The following SYBU variants were observed in gnomAD, a reference collection of about 807,000 sequenced individuals.
The protein encoded by SYBU is syntabulin, also known as GOLSYN A protein.
Under a neutral mutation model 35.9 loss-of-function variants are expected in SYBU, and 21 were observed. The observed-to-expected ratio is 0.58, with a 90% confidence interval of 0.41 to 0.84. SYBU has a LOEUF of 0.84. Among genes scored for constraint, SYBU ranks in the 40% least tolerant of loss-of-function variants. The pLI, the probability that SYBU is intolerant of heterozygous loss-of-function variation, is 0.00. For missense variants in SYBU, 768 were observed against 848.2 expected (o/e 0.91, Z 1.17); for synonymous variants, 319 against 324.3 (o/e 0.98, Z 0.18).
chr8:109,653,878 A>G (rs1332722818), intron 1 of SYBU, among the ~76,000 whole-genome samples: 2 of 152,062 alleles, frequency 1.3e-5, no homozygotes, highest in African/African-American at 4.8e-5. Context: ...CTTCCTATAC[A>G]AGAAAAATTC....
At chr8:109,603,528 T>A in intron 3 of SYBU, 1 of 318,980 alleles carries the variant, frequency 3.1e-6, no homozygotes, top group Non-Finnish European at 4.5e-6. Context: ...AGTTAACTTT[T>A]AAATTCAAGT....
chr8:109,602,953 T>C (rs954714780), intron 3 of SYBU, among the ~76,000 whole-genome samples: 3 of 152,164 alleles, frequency 2.0e-5, no homozygotes, highest in African/African-American at 7.2e-5. Flanking sequence ...ATTTCCAAGA[T>C]AAGTCCTGGC....
At chr8:109,576,054 A>AC in intron 6 of SYBU, 41 bp from the exon 7 acceptor site, 13 of 1,494,770 alleles carry the variant, frequency 8.7e-6, no homozygotes, top group Non-Finnish European at 1.1e-5. Context: ...AAAAAAAAAA[A>AC]AAAAAAAAAA....
intron 3 of SYBU, among the ~76,000 whole-genome samples, chr8:109,611,047 T>C (rs1471440358): frequency 1.3e-5 from 2 of 152,216 alleles, no homozygotes; most frequent in African/African-American, 2.4e-5. Flanking sequence ...TGATCTACAA[T>C]GCTTGGTTTA....
intron 4 of SYBU, among the ~76,000 whole-genome samples, chr8:109,583,854 A>T (rs1189153224): frequency 2.6e-5 from 4 of 152,114 alleles, no homozygotes; most frequent in African/African-American, 9.7e-5. Context: ...GTTGCCCAGG[A>T]CTGGAGTGCA....
chr8:109,664,605 G>A (rs1816692268), intron 1 of SYBU, among the ~76,000 whole-genome samples: 1 of 152,112 alleles, frequency 6.6e-6, no homozygotes, highest in African/African-American at 2.4e-5. Flanking sequence ...AGCAGGTGTT[G>A]TTTAAGTACT....
At chr8:109,676,539 T>G (rs1400825768) in intron 1 of SYBU, among the ~76,000 whole-genome samples, 1 of 152,200 alleles carries the variant, frequency 6.6e-6, no homozygotes, top group Non-Finnish European at 1.5e-5. Flanking sequence ...GTTACCATTA[T>G]TAGAAAGAAT....
intron 1 of SYBU, among the ~76,000 whole-genome samples, chr8:109,652,953 G>T (rs948194229): frequency 2.0e-5 from 3 of 152,118 alleles, no homozygotes; most frequent in African/African-American, 7.2e-5. Flanking sequence ...CTATTTTGAG[G>T]ATTAAATTCT....
intron 1 of SYBU, among the ~76,000 whole-genome samples, chr8:109,689,470 C>T (rs1007931590): frequency 1.3e-5 from 2 of 152,084 alleles, no homozygotes; most frequent in Non-Finnish European, 2.9e-5. Context: ...CTACAGGCAC[C>T]TACTGCCATG....
intron 1 of SYBU, among the ~76,000 whole-genome samples, chr8:109,678,903 A>T (rs1166288964): frequency 6.6e-6 from 1 of 152,146 alleles, no homozygotes; most frequent in Non-Finnish European, 1.5e-5. Flanking sequence ...CTCCATTTTG[A>T]ACAGGGGCTG....
upstream of SYBU, among the ~76,000 whole-genome samples, chr8:109,684,388 G>A (rs186017900): frequency 1.3e-5 from 2 of 152,208 alleles, no homozygotes; most frequent in African/African-American, 4.8e-5. Context: ...TTCATTAGTG[G>A]TAAGAGCTGA....
intron 1 of SYBU, among the ~76,000 whole-genome samples, chr8:109,654,532 C>A (rs905078620): frequency 6.6e-6 from 1 of 152,144 alleles, no homozygotes; most frequent in African/African-American, 2.4e-5. Context: ...CCCTTTTATT[C>A]TTTCATCCAT....
intron 3 of SYBU, among the ~76,000 whole-genome samples, chr8:109,612,615 A>C (rs1437259991): frequency 6.6e-6 from 1 of 152,210 alleles, no homozygotes; most frequent in South Asian, 2.1e-4. Context: ...CATTGATTCA[A>C]TCTGCTTTTA....
chr8:109,577,362 T>A (rs78300631), intron 6 of SYBU, among the ~76,000 whole-genome samples: 1 of 141,192 alleles, frequency 7.1e-6, no homozygotes, highest in South Asian at 2.2e-4. Context: ...AAGCATGGGC[T>A]TTTTTTTTTT....
At chr8:109,679,664 GCT>G (rs1356371408) in intron 1 of SYBU, among the ~76,000 whole-genome samples, 2 of 152,206 alleles carry the variant, frequency 1.3e-5, no homozygotes, top group African/African-American at 4.8e-5. Context: ...AAGTAAGACA[GCT>G]CTCTATGTTA....
At chr8:109,651,446 GAC>G (rs377387128) in intron 1 of SYBU, among the ~76,000 whole-genome samples, 1 of 125,062 alleles carries the variant, frequency 8.0e-6, no homozygotes, top group Admixed American at 8.6e-5. Flanking sequence ...CTGAAATTGA[GAC>G]TTTTTTTTTT....
intron 2 of SYBU, among the ~76,000 whole-genome samples, 153 bp from the exon 3 acceptor site, chr8:109,619,192 T>G (rs1812159023): frequency 6.6e-6 from 1 of 152,086 alleles, no homozygotes; most frequent in African/African-American, 2.4e-5. Context: ...TCTCCTCTCA[T>G]GACGCTCCTT....
chr8:109,630,340 G>C (rs1813474059), intron 2 of SYBU, among the ~76,000 whole-genome samples: 1 of 150,648 alleles, frequency 6.6e-6, no homozygotes, highest in Non-Finnish European at 1.5e-5. Flanking sequence ...GAGTTAGTGG[G>C]TGCAGCGCAC....
intron 1 of SYBU, among the ~76,000 whole-genome samples, chr8:109,661,730 T>C (rs529658612): frequency 6.6e-6 from 1 of 152,198 alleles, no homozygotes; most frequent in African/African-American, 2.4e-5. Context: ...GTATTAAATA[T>C]TAAGGGTGTG....
Sources: allele counts gnomAD v4.1 joint callset (sites outside exome capture counted in the v4.1 genomes callset), GRCh38; gene constraint gnomAD v4.1.1; transcripts MANE v1.5; gene names NCBI Gene and HGNC (gene_info 2026-07-23, HGNC 2026-07-21).